WDR27: variants seen among roughly 807,000 people sequenced by gnomAD.
WDR27 encodes WD repeat-containing protein 27.
A neutral mutation model predicts 114.4 loss-of-function variants in WDR27; 100 were observed. The ratio of observed to expected loss-of-function variants is 0.87; its 90% CI spans 0.74 to 1.03. The LOEUF (loss-of-function observed/expected upper bound fraction) is 1.03, where lower values mean the gene tolerates loss of function less well. WDR27 is among the 50% of genes least tolerant of loss of function. The pLI, the probability that WDR27 is intolerant of heterozygous loss-of-function variation, is 0.00. For synonymous variants in WDR27, 449 were observed against 423.1 expected, an observed-to-expected ratio of 1.06 and a Z score of -0.75; for missense variants, 1,129 against 1,092.9, an observed-to-expected ratio of 1.03 and a Z score of -0.47.
intron 6 of WDR27, chr6:169,666,653 T>A: frequency 9.1e-6 from 9 of 985,888 alleles, no homozygotes; most frequent in Non-Finnish European, 1.1e-5. Context: ...GCCAGCTTCA[T>A]TTACCAACAG....
Position 169,656,630 on chromosome 6 carries a change from G to A in WDR27, c.1402+1646C>T, listed in dbSNP as rs577231590. The stretch of plus-strand genomic sequence containing the variant: ...GAGGCCTGGAGGGCCCAGGAGGAAG[G>A]AGCCAAGAAGGCCCAGGAGGGCCCA... On this transcript the variant is annotated intron_variant, in intron 13 of 25. Coordinates refer to ENST00000448612, the MANE Select transcript of WDR27 (RefSeq NM_182552.5). 3.9e-5 allele frequency among the ~76,000 whole-genome samples: 6 copies of A among 152,070 alleles called. No homozygotes were observed. The South Asian group carries it at 6.2e-4, about 16-fold the overall frequency.
At chr6:169,640,175 C>T (rs1236240378) in intron 17 of WDR27, among the ~76,000 whole-genome samples, 6 of 152,292 alleles carry the variant, frequency 3.9e-5, no homozygotes, top group Non-Finnish European at 7.4e-5. Flanking sequence ...CCACAACTCC[C>T]GAGAAAATTC....
At chr6:169,655,862 GGCGCCC>G (rs1824032790) in intron 13 of WDR27, among the ~76,000 whole-genome samples, 1 of 152,198 alleles carries the variant, frequency 6.6e-6, no homozygotes, top group African/African-American at 2.4e-5. Context: ...TGGGACTACA[GGCGCCC>G]GCCAACCACG....
chr6:169,637,216 C>T (rs926170864), intron 18 of WDR27, among the ~76,000 whole-genome samples: 13 of 152,136 alleles, frequency 8.5e-5, no homozygotes, highest in African/African-American at 2.4e-4. Flanking sequence ...AATGATCTCC[C>T]GTAAGTTCAT....
At chr6:169,653,895 G>A (rs1823282574) in intron 13 of WDR27, among the ~76,000 whole-genome samples, 1 of 152,218 alleles carries the variant, frequency 6.6e-6, no homozygotes, top group Admixed American at 6.5e-5. Flanking sequence ...GGAAGCCTGT[G>A]CCGTGATGGT....
chr6:169,548,186 A>C (rs1018481008), intron 25 of WDR27, among the ~76,000 whole-genome samples: 5 of 152,140 alleles, frequency 3.3e-5, no homozygotes, highest in Admixed American at 6.5e-5. Context: ...TCAAAGAAGA[A>C]CTAAATAAAT....
chr6:169,446,386 C>G, the WDR27 span, among the ~76,000 whole-genome samples: 1 of 151,986 alleles, frequency 6.6e-6, no homozygotes, highest in African/African-American at 2.4e-5. Context: ...GGGCACAAGG[C>G]GGGACCAGGG....
At chr6:169,512,498 T>C (rs1793024638) in intron 25 of WDR27, among the ~76,000 whole-genome samples, 1 of 152,228 alleles carries the variant, frequency 6.6e-6, no homozygotes, top group Non-Finnish European at 1.5e-5. Flanking sequence ...CTTTAATTTG[T>C]AATGTTAATT....
chr6:169,515,408 G>A (rs1793510231), intron 25 of WDR27, among the ~76,000 whole-genome samples: 1 of 152,142 alleles, frequency 6.6e-6, no homozygotes. Flanking sequence ...CTAGAATAAT[G>A]AATACTGAAT....
chr6:169,675,850 C>T (rs999872624), intron 2 of WDR27, among the ~76,000 whole-genome samples: 9 of 152,032 alleles, frequency 5.9e-5, no homozygotes, highest in African/African-American at 1.9e-4. Context: ...TTGGCTCTTA[C>T]TCAATTATCT....
intron 25 of WDR27, among the ~76,000 whole-genome samples, chr6:169,511,835 A>G (rs560114586): frequency 5.8e-4 from 89 of 152,290 alleles, no homozygotes; most frequent in African/African-American, 2.1e-3. Flanking sequence ...TAGATGGGTG[A>G]ATGGATAATT....
At chr6:169,545,134 C>T (rs764164523) in intron 25 of WDR27, among the ~76,000 whole-genome samples, 3 of 152,182 alleles carry the variant, frequency 2.0e-5, no homozygotes, top group Non-Finnish European at 2.9e-5. Flanking sequence ...AGAGGAATTA[C>T]TCTATCTCAC....
intron 1 of WDR27, 40 bp from the exon 2 acceptor site, chr6:169,689,052 A>T (rs1783798456): frequency 6.8e-7 from 1 of 1,460,268 alleles, no homozygotes; most frequent in Non-Finnish European, 9.2e-7. Context: ...TATAGGTATC[A>T]TATTTAATAC....
chr6:169,523,666 C>A (rs1794643328), intron 25 of WDR27, among the ~76,000 whole-genome samples: 1 of 151,940 alleles, frequency 6.6e-6, no homozygotes, highest in African/African-American at 2.4e-5. Context: ...TACATCACAT[C>A]AACAGAATTA....
intron 1 of WDR27, among the ~76,000 whole-genome samples, chr6:169,694,570 A>G (rs943375171): frequency 6.6e-6 from 1 of 152,254 alleles, no homozygotes; most frequent in African/African-American, 2.4e-5. Context: ...TGTTTTAAAA[A>G]ATAACATTGA....
chr6:169,621,044 A>G (rs1052870917), intron 21 of WDR27, among the ~76,000 whole-genome samples: 10 of 152,188 alleles, frequency 6.6e-5, no homozygotes, highest in African/African-American at 1.9e-4. Flanking sequence ...CCCTCACTTC[A>G]TCTAACTCTT....
chr6:169,568,614 C>A (rs1800875704), intron 25 of WDR27, among the ~76,000 whole-genome samples: 1 of 152,154 alleles, frequency 6.6e-6, no homozygotes, highest in Admixed American at 6.5e-5. Context: ...TGCTCACTTT[C>A]TCTTTTCAAA....
intron 25 of WDR27, among the ~76,000 whole-genome samples, chr6:169,523,033 T>C (rs897836157): frequency 1.3e-5 from 2 of 151,886 alleles, no homozygotes; most frequent in African/African-American, 4.8e-5. Context: ...TTGGTTTTAC[T>C]GACAAACATT....
the WDR27 span, among the ~76,000 whole-genome samples, chr6:169,431,602 A>G: frequency 6.6e-6 from 1 of 152,160 alleles, no homozygotes; most frequent in Non-Finnish European, 1.5e-5. Flanking sequence ...GTGGCTTGCC[A>G]TCCTTCCTGA....
Sources: allele counts gnomAD v4.1 joint callset (sites outside exome capture counted in the v4.1 genomes callset), GRCh38; gene constraint gnomAD v4.1.1; transcripts MANE v1.5; gene names NCBI Gene and HGNC (gene_info 2026-07-23, HGNC 2026-07-21).